The following LONRF3 variants were observed in gnomAD, a reference collection of about 807,000 sequenced individuals.
LONRF3 encodes LON peptidase N-terminal domain and ring finger 3, also known as LON peptidase N-terminal domain and RING finger protein 3.
A neutral mutation model predicts 51.7 loss-of-function variants in LONRF3; 19 were observed. That is an observed-to-expected ratio of 0.37 (90% CI 0.26 to 0.54). The LOEUF (loss-of-function observed/expected upper bound fraction) is 0.54. Among genes scored for constraint, LONRF3 ranks in the 20% least tolerant of loss-of-function variants. The pLI, the probability that LONRF3 is intolerant of heterozygous loss-of-function variation, is 0.86. For synonymous variants in LONRF3, 265 were observed against 257.8 expected (o/e 1.03, Z -0.27); for missense variants, 521 against 623.9 (o/e 0.84, Z 1.76).
intron 4 of LONRF3, 59 bp from the exon 5 acceptor site, chrX:118,990,411 A>G (rs747047671): frequency 7.7e-6 from 7 of 903,568 alleles, no homozygotes; most frequent in Non-Finnish European, 1.1e-5. Context: ...TTGCCTCAGA[A>G]GTACTATCTA....
chrX:118,989,502 A>G lies in LONRF3; in HGVS notation c.1154A>G (p.Asp385Gly). ...ATGGACCCAGCTAAAGTGAAGGGGGATGGTCAGCAGCACCACATGAAAGAC... is the reference window on the plus strand; with the variant it reads ...ATGGACCCAGCTAAAGTGAAGGGGGGTGGTCAGCAGCACCACATGAAAGAC... ...SLMDPAKVKGDGQQHHMKDQE... is the reference protein window; with the variant it reads ...SLMDPAKVKGGGQQHHMKDQE... The change falls in exon 4 of 11, where the codon GAT becomes GGT. Residue 385 changes from aspartate to glycine, a missense_variant. Physicochemically the swap from Asp to Gly is moderately conservative, Grantham distance 94. Transcript: ENST00000371628. The G allele has an allele frequency of 3.3e-6, 4 of 1,211,227 alleles. No individual in the cohort carries two copies. The South Asian group carries it at 5.3e-5, about 16-fold the overall frequency.
At chrX:119,012,622 G>A (rs1355597052) in intron 8 of LONRF3, among the ~76,000 whole-genome samples, 2 of 110,771 alleles carry the variant, frequency 1.8e-5, no homozygotes, top group Non-Finnish European at 3.8e-5. Context: ...GAAAGAAGGG[G>A]GTCAAACTTG....
At chrX:119,013,018 G>C in intron 8 of LONRF3, 21 bp from the exon 9 acceptor site, 1 of 1,208,845 alleles carries the variant, frequency 8.3e-7, no homozygotes, top group South Asian at 1.8e-5. Context: ...CTAGTCTCTC[G>C]ACTCCATTCT....
chrX:118,978,996 TTC>T (rs1922316789), intron 2 of LONRF3, among the ~76,000 whole-genome samples: 1 of 83,972 alleles, frequency 1.2e-5, no homozygotes. Context: ...TCTGTTTTCT[TTC>T]TTTTTTTTTT....
Position 119,013,158 on chromosome X carries a change from A to C in LONRF3, c.1931A>C (p.Asp644Ala). 2 of 1,212,433 alleles carry C rather than the reference A, an allele frequency of 1.6e-6. No individual in the cohort carries two copies. The highest frequency in any genetic ancestry group is 2.2e-6 in the Non-Finnish European group (2 of 895,649). The part of the protein sequence containing the change: ...RFRVLHQSQR[D>A]GYNTADIEYI... The stretch of plus-strand genomic sequence containing the variant: ...AGGGTGCTCCATCAGAGCCAGCGGG[A>C]TGGCTACAACACAGCCGACATTGAA... The change falls in exon 9 of 11, where the codon GAT (aspartate) becomes GCT (alanine). Residue 644 changes from aspartate (D) to alanine (A), a missense_variant. Coordinates refer to ENST00000371628, the MANE Select transcript of LONRF3 (RefSeq NM_001031855.3).
At chrX:119,002,857 G>A (rs1924426891) in intron 5 of LONRF3, among the ~76,000 whole-genome samples, 1 of 110,135 alleles carries the variant, frequency 9.1e-6, no homozygotes, top group Non-Finnish European at 1.9e-5. Context: ...GGAGTGCAGT[G>A]GTGCAATCTC....
chrX:119,013,759 A>C (rs1925266246), intron 9 of LONRF3, among the ~76,000 whole-genome samples: 1 of 112,137 alleles, frequency 8.9e-6, no homozygotes, highest in African/African-American at 3.2e-5. Context: ...CATTTGTTAC[A>C]TAGTAGATTA....
At chrX:119,012,342 T>C (rs1354869749) in intron 8 of LONRF3, among the ~76,000 whole-genome samples, 2 of 109,899 alleles carry the variant, frequency 1.8e-5, no homozygotes, top group Non-Finnish European at 1.9e-5. Context: ...GTGGGTACAA[T>C]AATAGTACCT....
chrX:119,003,215 T>C (rs1398681528), intron 5 of LONRF3, among the ~76,000 whole-genome samples: 1 of 111,623 alleles, frequency 9.0e-6, no homozygotes, highest in Non-Finnish European at 1.9e-5. Flanking sequence ...ATTTGACTAA[T>C]TAATTTATTT....
At chrX:118,977,434 G>A (rs1333654943) in intron 1 of LONRF3, among the ~76,000 whole-genome samples, 2 of 112,085 alleles carry the variant, frequency 1.8e-5, no homozygotes, top group African/African-American at 6.5e-5. Context: ...AAAATGTCAA[G>A]GCCAGCTTTA....
At chrX:118,987,569 A>G (rs1212580889) in intron 3 of LONRF3, among the ~76,000 whole-genome samples, 1 of 102,203 alleles carries the variant, frequency 9.8e-6, no homozygotes, top group Admixed American at 1.1e-4. Context: ...GCTAGGATAC[A>G]TTTTTTTCCA....
chrX:119,016,330 A>ATTTCTTTCTTTC (rs199994110), intron 10 of LONRF3, among the ~76,000 whole-genome samples: 3 of 92,788 alleles, frequency 3.2e-5, no homozygotes, highest in East Asian at 3.3e-4. Flanking sequence ...GGCAGAATAT[A>ATTTCTTTCTTTC]TTTCTTTCTT....
chrX:118,992,237 A>G (rs1923481182), intron 5 of LONRF3, among the ~76,000 whole-genome samples: 1 of 111,027 alleles, frequency 9.0e-6, no homozygotes, highest in Non-Finnish European at 1.9e-5. Flanking sequence ...GACCCAGGAG[A>G]CACCCCAAAT....
chrX:119,009,100 T>A lies in LONRF3; in HGVS notation c.1531-26T>A, dbSNP rs780120778. The A allele has an allele frequency of 2.5e-6, 3 of 1,182,868 alleles. No individual in the cohort carries two copies. The Admixed American group carries it at 6.8e-5, about 27-fold the overall frequency. On this transcript the variant is annotated intron_variant, in intron 6 of 10. Coordinates refer to ENST00000371628, the MANE Select transcript of LONRF3 (RefSeq NM_001031855.3). ...TTGCTACGTATTACCTAATTGCATATTGTCTAATTGCCTCCCCCCATGTAG... is the reference window on the plus strand; with the variant it reads ...TTGCTACGTATTACCTAATTGCATAATGTCTAATTGCCTCCCCCCATGTAG...
At position 119,009,865 on chromosome X, in the gene LONRF3, G is replaced by A. The variant is rs1924984533; in HGVS notation, c.1652+618G>A. ...GCTTACTGCAACCTCCGCCTTCCGG[G>A]TTCAAGCGATTCTCCTGCCTCAGCC... is the stretch of plus-strand genomic sequence containing the variant. On this transcript the variant is annotated intron_variant, in intron 7 of 10. Coordinates refer to ENST00000371628, the MANE Select transcript of LONRF3 (RefSeq NM_001031855.3). Among the ~76,000 whole-genome samples the A allele has an allele frequency of 6.3e-5, 7 of 111,085 alleles. No individual in the cohort carries two copies. In the Admixed American group the frequency reaches 6.7e-4, roughly 11 times the overall value.
intron 5 of LONRF3, among the ~76,000 whole-genome samples, chrX:119,005,835 T>C (rs966609812): frequency 3.6e-5 from 4 of 111,614 alleles, no homozygotes; most frequent in Non-Finnish European, 7.5e-5. Flanking sequence ...TCTCTATTTT[T>C]CTTGGACCAG....
chrX:118,999,398 C>T (rs1429455412), intron 5 of LONRF3, among the ~76,000 whole-genome samples: 1 of 112,073 alleles, frequency 8.9e-6, no homozygotes, highest in Non-Finnish European at 1.9e-5. Flanking sequence ...AATCCTGCTT[C>T]CAGGCAGAGC....
intron 5 of LONRF3, among the ~76,000 whole-genome samples, chrX:118,996,153 T>G (rs1228121945): frequency 8.9e-6 from 1 of 112,315 alleles, no homozygotes; most frequent in African/African-American, 3.2e-5. Context: ...GAGATGATCA[T>G]GTGATTTTTG....
chrX:118,995,216 T>C (rs1331705698), intron 5 of LONRF3, among the ~76,000 whole-genome samples: 1 of 112,196 alleles, frequency 8.9e-6, no homozygotes, highest in Non-Finnish European at 1.9e-5. Flanking sequence ...AACATGGAAA[T>C]TGAACAACCT....
Sources: allele counts gnomAD v4.1 joint callset (sites outside exome capture counted in the v4.1 genomes callset), GRCh38; gene constraint gnomAD v4.1.1; transcripts MANE v1.5; gene names NCBI Gene and HGNC (gene_info 2026-07-23, HGNC 2026-07-21).